The following PAX3 variants were observed in gnomAD, a reference collection of about 807,000 sequenced individuals.
PAX3 encodes the protein paired box 3, also known as paired box protein Pax-3.
PAX3 carries 14 observed loss-of-function variants against 51.6 expected under a neutral mutation model. The observed-to-expected ratio is 0.27, with a 90% CI of 0.18 to 0.42. PAX3 has a LOEUF of 0.42. PAX3 is among the 10% of genes least tolerant of loss of function. The probability of loss-of-function intolerance (pLI) is 1.00; values close to 1 mark genes in which losing one functional copy is unlikely to be tolerated. For synonymous variants in PAX3, 280 were observed against 253.4 expected (o/e 1.11, Z -1.00); for missense variants, 540 against 642.8 (o/e 0.84, Z 1.73).
At chr2:222,244,509 T>C (rs1226534591) in intron 4 of PAX3, among the ~76,000 whole-genome samples, 1 of 152,138 alleles carries the variant, frequency 6.6e-6, no homozygotes, top group Non-Finnish European at 1.5e-5. Context: ...GCAAATGTTA[T>C]CCCCTCTGCA....
In PAX3 at chr2:222,224,805, A is replaced by C. The variant is rs116671641; in HGVS notation, c.793-3418T>G. Among the ~76,000 whole-genome samples the C allele has an allele frequency of 6.7e-3, 1,013 of 152,326 alleles. 11 individuals are homozygous for C. The highest frequency in any genetic ancestry group is 0.023 in the African/African-American group (964 of 41,574). On this transcript the variant is annotated intron_variant, in intron 5 of 8. Coordinates refer to ENST00000392070, the MANE Select transcript of PAX3 (RefSeq NM_181458.4). ...ATAACACTGAATAAATTCATCTAAA[A>C]TATACATATTTATAACTTAGTAGTT...
intron 4 of PAX3, among the ~76,000 whole-genome samples, chr2:222,234,820 T>C (rs1480569496): frequency 2.0e-5 from 3 of 152,240 alleles, no homozygotes; most frequent in South Asian, 4.1e-4. Flanking sequence ...TTGTGAACAA[T>C]GTGCTCCCTA....
chr2:222,265,129 GAA>G (rs1277722203), intron 4 of PAX3: 1 of 152,160 alleles, frequency 6.6e-6, no homozygotes, highest in Non-Finnish European at 1.5e-5. Flanking sequence ...ATAGGTTCTG[GAA>G]AAGAGAGAAT....
chr2:222,282,785 GA>G (rs139315612), intron 4 of PAX3, among the ~76,000 whole-genome samples: 1,802 of 152,244 alleles, frequency 0.012, 40 homozygotes, highest in African/African-American at 0.041. Flanking sequence ...ATAAGTCAAA[GA>G]AAAAAGTTTT....
intron 7 of PAX3, among the ~76,000 whole-genome samples, chr2:222,213,740 A>C (rs941899987): frequency 6.6e-6 from 1 of 152,222 alleles, no homozygotes. Context: ...GGTTGGTGTC[A>C]GGCTACTTGC....
At chr2:222,287,585 T>C (rs1694876094) in intron 4 of PAX3, 1 of 152,206 alleles carries the variant, frequency 6.6e-6, no homozygotes, top group Non-Finnish European at 1.5e-5. Flanking sequence ...AAATATACAT[T>C]TGAAATATAT....
At chr2:222,260,578 GTTTTTTTT>G (rs1345531558) in intron 4 of PAX3, among the ~76,000 whole-genome samples, 3 of 61,690 alleles carry the variant, frequency 4.9e-5, no homozygotes, top group African/African-American at 1.9e-4. Context: ...TTTTTTTTTT[GTTTTTTTT>G]TTTTGTTTTT....
intron 4 of PAX3, among the ~76,000 whole-genome samples, chr2:222,237,121 T>C (rs1692826421): frequency 6.6e-6 from 1 of 151,902 alleles, no homozygotes; most frequent in Admixed American, 6.6e-5. Context: ...TTCTCTCCCT[T>C]CCCCCCTAAC....
intron 4 of PAX3, among the ~76,000 whole-genome samples, chr2:222,291,170 T>C (rs1026523252): frequency 1.1e-4 from 16 of 152,116 alleles, no homozygotes; most frequent in African/African-American, 9.7e-5. Flanking sequence ...GAGGCGCCCA[T>C]TGAGCGGCCG....
At chr2:222,234,213 C>A (rs1014773753) in intron 4 of PAX3, among the ~76,000 whole-genome samples, 6 of 151,824 alleles carry the variant, frequency 4.0e-5, no homozygotes, top group African/African-American at 1.5e-4. Context: ...TACCTGAAAA[C>A]AAATACATGT....
At chr2:222,215,471 T>C (rs529934446) in intron 7 of PAX3, among the ~76,000 whole-genome samples, 26 of 152,012 alleles carry the variant, frequency 1.7e-4, no homozygotes, top group Admixed American at 4.6e-4. Context: ...CAAAGAACTG[T>C]GGAGTTTGTA....
At chr2:222,241,816 C>A (rs1480696870) in intron 4 of PAX3, among the ~76,000 whole-genome samples, 2 of 152,198 alleles carry the variant, frequency 1.3e-5, no homozygotes, top group Admixed American at 1.3e-4. Context: ...CGTTTTTAAT[C>A]TCTCACAATT....
chr2:222,232,641 GC>G (rs1692640614), intron 4 of PAX3, among the ~76,000 whole-genome samples: 2 of 152,258 alleles, frequency 1.3e-5, no homozygotes, highest in South Asian at 4.1e-4. Flanking sequence ...ACAGGGACAG[GC>G]CTTATTCCAT....
intron 7 of PAX3, among the ~76,000 whole-genome samples, chr2:222,219,318 C>A (rs1692091479): frequency 6.6e-6 from 1 of 152,068 alleles, no homozygotes; most frequent in African/African-American, 2.4e-5. Context: ...ATTGCAACCC[C>A]TTGTGACATT....
In PAX3 at chr2:222,298,993, G is replaced by T; in HGVS notation, c.-378C>A. The T allele has an allele frequency of 2.6e-6, 1 of 377,462 alleles. No individual in the cohort carries two copies. The highest frequency in any genetic ancestry group is 4.9e-6 in the Non-Finnish European group (1 of 205,024). The allele number at this position is 377,462 out of a possible 1,614,324, so 23.4% of individuals were successfully genotyped here. On this transcript the variant is annotated 5_prime_UTR_variant, in exon 1 of 9. Transcript: ENST00000392070. ...CTGAGTCTCCTCCTGTGGTGACACC[G>T]AGTGCGGGGATCCGGGCTCGGGAGC... is the stretch of plus-strand genomic sequence containing the variant.
intron 4 of PAX3, chr2:222,293,708 C>G (rs767105992): frequency 6.2e-7 from 1 of 1,612,946 alleles, no homozygotes; most frequent in Non-Finnish European, 8.5e-7. Context: ...AAAGAGTACT[C>G]TCTCTCTCTC....
chr2:222,283,259 C>CA (rs1694709385), intron 4 of PAX3, among the ~76,000 whole-genome samples: 1 of 151,998 alleles, frequency 6.6e-6, no homozygotes, highest in Non-Finnish European at 1.5e-5. Context: ...CTAAAGTGGA[C>CA]AAAAAAATCA....
chr2:222,238,323 T>C (rs539437387), intron 4 of PAX3, among the ~76,000 whole-genome samples: 2 of 152,360 alleles, frequency 1.3e-5, no homozygotes, highest in South Asian at 4.1e-4. Context: ...AAATATTTCA[T>C]CCTAGTTAAC....
intron 4 of PAX3, among the ~76,000 whole-genome samples, chr2:222,278,768 G>A (rs955410118): frequency 3.9e-5 from 6 of 152,164 alleles, no homozygotes; most frequent in Non-Finnish European, 7.3e-5. Flanking sequence ...GTGATTTTAG[G>A]GGCATCAGGA....
Sources: allele counts gnomAD v4.1 joint callset (sites outside exome capture counted in the v4.1 genomes callset), GRCh38; gene constraint gnomAD v4.1.1; transcripts MANE v1.5; gene names NCBI Gene and HGNC (gene_info 2026-07-23, HGNC 2026-07-21).